VPS28: variants seen among roughly 807,000 people sequenced by gnomAD.
The protein encoded by VPS28 is vacuolar protein sorting-associated protein 28 homolog.
VPS28 carries 29 observed loss-of-function variants against 33.7 expected under a neutral mutation model. The observed-to-expected ratio is 0.86, with a 90% CI of 0.64 to 1.17. The LOEUF (loss-of-function observed/expected upper bound fraction) is 1.17, where lower values mean the gene tolerates loss of function less well. Ranked by LOEUF, VPS28 falls within the 50% of genes most tolerant of loss-of-function variation. The probability of loss-of-function intolerance (pLI) is 0.00; values close to 1 mark genes in which losing one functional copy is unlikely to be tolerated. For synonymous variants in VPS28, 164 were observed against 116.7 expected (o/e 1.40, Z -2.61); for missense variants, 247 against 312.2 (o/e 0.79, Z 1.57).
Position 144,423,708 on chromosome 8 carries a change from T to C in VPS28, c.*97A>G, listed in dbSNP as rs1183386131. 5 of 1,467,428 alleles carry C rather than the reference T, an allele frequency of 3.4e-6. No individual in the cohort carries two copies. Among genetic ancestry groups the C allele is most frequent in the Non-Finnish European group, 3.8e-6 (4 of 1,063,590 alleles). 90.9% of individuals were successfully genotyped at this position (1,467,428 alleles called of 1,614,324 possible). ...ACACCAGACAGGCAGCTGCAGACAG[T>C]GAGTTGTGTGGATGACCACGGCCTG... On this transcript the variant is annotated 3_prime_UTR_variant, in exon 10 of 10. Transcript: ENST00000292510.
intron 6 of VPS28, 39 bp from the exon 7 acceptor site, chr8:144,424,858 G>C: frequency 6.2e-7 from 1 of 1,612,786 alleles, no homozygotes; most frequent in Non-Finnish European, 8.5e-7. Context: ...TCTCAGGACA[G>C]CAAGCCCCAG....
intron 2 of VPS28, chr8:144,426,625 C>T (rs1404892922): frequency 8.2e-6 from 4 of 490,450 alleles, no homozygotes; most frequent in African/African-American, 7.9e-5. Flanking sequence ...AGGCTCACCA[C>T]ACACAGCCTC....
rs888331784 is a variant in VPS28 at position 144,425,789 on chromosome 8, C to G, written c.105-17G>C. The G allele has an allele frequency of 6.2e-7, 1 of 1,613,696 alleles. No individual in the cohort carries two copies. The highest frequency in any genetic ancestry group is 8.5e-7 in the Non-Finnish European group (1 of 1,179,866). On this transcript the variant is annotated splice_polypyrimidine_tract_variant and intron_variant, in intron 4 of 9. Transcript: ENST00000292510. ...TTGTCGTACCTGAGGACACACCTGT[C>G]TATCGGGCCAGGCCCCGGGGTGCCA... is the stretch of plus-strand genomic sequence containing the variant.
chr8:144,424,020 C>G, intron 9 of VPS28, 21 bp downstream of exon 9: 3 of 1,597,812 alleles, frequency 1.9e-6, no homozygotes, highest in Non-Finnish European at 2.6e-6. Flanking sequence ...GGGGCTCTGC[C>G]TGGCTGGGAG....
intron 5 of VPS28, chr8:144,425,361 G>A (rs1822660444): frequency 5.4e-6 from 3 of 555,202 alleles, no homozygotes; most frequent in South Asian, 4.3e-5. Context: ...GGCCTGTGAC[G>A]GTCTTGTCAC....
chr8:144,427,096 T>C, intron 1 of VPS28, 117 bp from the exon 2 acceptor site: 1 of 659,984 alleles, frequency 1.5e-6, no homozygotes, highest in South Asian at 2.0e-5. Flanking sequence ...GGTCAGGAGT[T>C]TGAGACCAGC....
Position 144,424,085 on chromosome 8 carries a change from G to A in VPS28, c.504C>T (p.Ser168=). 1 of 1,561,774 alleles carries A rather than the reference G, an allele frequency of 6.4e-7. No homozygotes were observed. The highest frequency in any genetic ancestry group is 8.7e-7 in the Non-Finnish European group (1 of 1,150,610). The change falls in exon 9 of 10, where the codon AGC becomes AGT. Residue 168 remains serine (S), a synonymous_variant. Coordinates refer to ENST00000292510, the MANE Select transcript of VPS28 (RefSeq NM_016208.4). Reference sequence around the variant, plus strand: ...GGCCCTCAAAGTCGGGTGGGAGGTGGCTCATGCGGTGCATGGTCTCCATCA... The same window carrying A: ...GGCCCTCAAAGTCGGGTGGGAGGTGACTCATGCGGTGCATGGTCTCCATCA... ...RELMETMHRM[S]HLPPDFEGRQ...
chr8:144,424,407 C>G, intron 7 of VPS28, 139 bp from the exon 8 acceptor site: 1 of 1,167,364 alleles, frequency 8.6e-7, no homozygotes, highest in Non-Finnish European at 1.2e-6. Context: ...CTGCAGGCCT[C>G]CTGGGTGAAC....
At chr8:144,424,919 A>G (rs1554876299) in intron 6 of VPS28, 27 bp downstream of exon 6, 2 of 1,603,554 alleles carry the variant, frequency 1.2e-6, no homozygotes, top group South Asian at 1.1e-5. Context: ...GTCTCGCCCC[A>G]TGGGGGTGGA....
intron 9 of VPS28, 29 bp from the exon 10 acceptor site, chr8:144,423,951 G>A (rs1554875862): frequency 1.2e-6 from 2 of 1,612,914 alleles, no homozygotes; most frequent in Non-Finnish European, 1.7e-6. Context: ...GCATGTGGGG[G>A]CTGAGGGCCT....
intron 7 of VPS28, 196 bp downstream of exon 7, chr8:144,424,522 C>G: frequency 1.3e-6 from 1 of 792,728 alleles, no homozygotes; most frequent in East Asian, 2.7e-5. Context: ...TGTGCTCATC[C>G]CCCCGACAGG....
In VPS28 at chr8:144,423,848, A is replaced by G; in HGVS notation, c.623T>C (p.Leu208Pro). The G allele has an allele frequency of 6.2e-7, 1 of 1,613,138 alleles. No individual in the cohort carries two copies. The highest frequency in any genetic ancestry group is 8.5e-7 in the Non-Finnish European group (1 of 1,180,040). ...GTTGAAGGCGTTGTAGGCTGACTCCAGGTCGAACAGCATCTGACGCACCTG... is the reference window on the plus strand; with the variant it reads ...GTTGAAGGCGTTGTAGGCTGACTCCGGGTCGAACAGCATCTGACGCACCTG... ...DSQVRQMLFD[L>P]ESAYNAFNRF... The change falls in exon 10 of 10, where the codon CTG becomes CCG. Residue 208 changes from leucine (L) to proline (P), a missense_variant. Physicochemically the swap from Leu to Pro is moderately conservative, Grantham distance 98. Around this residue, in one of 3 missense-constraint regions of VPS28, gnomAD observed 95 missense variants for 118.3 expected, o/e 0.80. Transcript: ENST00000292510.
At chr8:144,427,880 G>A (rs1822898968) in intron 1 of VPS28, among the ~76,000 whole-genome samples, 1 of 152,188 alleles carries the variant, frequency 6.6e-6, no homozygotes, top group Non-Finnish European at 1.5e-5. Context: ...TGGCCCAATG[G>A]GCCGGGCAGT....
rs782066506 is a variant in VPS28, at chr8:144,423,898, C to T, written c.573G>A (p.Ser191=). Residue 191 remains serine, a synonymous_variant, in exon 10 of 10, where the codon TCG becomes TCA. Coordinates refer to ENST00000292510, the MANE Select transcript of VPS28 (RefSeq NM_016208.4). ...GTGAGTCGTCCAGCTCATCTGACGC[C>T]GACATGCCGCTCAGGGTCTGCAGCC... is the stretch of plus-strand genomic sequence containing the variant. ...SQWLQTLSGM[S]ASDELDDSQV... 73 of 1,613,108 alleles carry T rather than the reference C, an allele frequency of 4.5e-5. No individual in the cohort carries two copies. Among genetic ancestry groups the T allele is most frequent in the Admixed American group, 8.3e-5 (5 of 60,022 alleles).
Position 144,425,495 on chromosome 8 carries a change from C to T in VPS28, c.194+188G>A, listed in dbSNP as rs1554876470. On this transcript the variant is annotated intron_variant, in intron 5 of 9. Coordinates refer to ENST00000292510, the MANE Select transcript of VPS28 (RefSeq NM_016208.4). ...GGGCCGGATGACACCCCAGGAGCTG[C>T]GCCTCTGCCCGCCTCCCTCACCAGC... 5 of 613,530 alleles carry T rather than the reference C, an allele frequency of 8.1e-6. No homozygotes were observed. In the Admixed American group the frequency reaches 8.9e-5, roughly 11 times the overall value. 38.0% of individuals were successfully genotyped at this position (613,530 alleles called of 1,614,324 possible).
intron 5 of VPS28, 57 bp downstream of exon 5, chr8:144,425,626 A>G: frequency 6.3e-7 from 1 of 1,582,396 alleles, no homozygotes; most frequent in Non-Finnish European, 8.7e-7. Flanking sequence ...CTTGCTGCCT[A>G]TGGAGCACCC....
At chr8:144,427,897 A>C (rs1822901856) in intron 1 of VPS28, among the ~76,000 whole-genome samples, 1 of 151,762 alleles carries the variant, frequency 6.6e-6, no homozygotes, top group South Asian at 2.1e-4. Flanking sequence ...CAGTAAGATA[A>C]ACTCAGACGG....
At position 144,423,626 on chromosome 8, in the gene VPS28, A is replaced by G; in HGVS notation, c.*179T>C. The stretch of plus-strand genomic sequence containing the variant: ...GGAGCCACCCAAGCAGGAAGGTCGG[A>G]GAGCATCTTTATTGTGGGGAGGGGC... On this transcript the variant is annotated 3_prime_UTR_variant, in exon 10 of 10. Coordinates refer to ENST00000292510, the MANE Select transcript of VPS28 (RefSeq NM_016208.4). 1.3e-6 allele frequency: 1 copy of G among 770,590 alleles called. No homozygotes were observed. Among genetic ancestry groups the G allele is most frequent in the Non-Finnish European group, 2.1e-6 (1 of 474,200 alleles). 47.7% of individuals were successfully genotyped at this position (770,590 alleles called of 1,614,324 possible).
chr8:144,423,623 C>T lies in VPS28; in HGVS notation c.*182G>A, dbSNP rs551543616. The T allele has an allele frequency of 9.2e-6, 7 of 756,918 alleles. No homozygotes were observed. Among genetic ancestry groups the T allele is most frequent in the Non-Finnish European group, 1.5e-5 (7 of 462,428 alleles). 46.9% of individuals were successfully genotyped at this position (756,918 alleles called of 1,614,324 possible). On this transcript the variant is annotated 3_prime_UTR_variant, in exon 10 of 10. Transcript: ENST00000292510. ...GGGGGAGCCACCCAAGCAGGAAGGT[C>T]GGAGAGCATCTTTATTGTGGGGAGG...
Sources: allele counts gnomAD v4.1 joint callset (sites outside exome capture counted in the v4.1 genomes callset), GRCh38; gene constraint gnomAD v4.1.1; regional missense constraint gnomAD v4.1.1; transcripts MANE v1.5; gene names NCBI Gene and HGNC (gene_info 2026-07-23, HGNC 2026-07-21).